The following CSNK1G1 variants were observed in gnomAD, a reference collection of about 807,000 sequenced individuals.
The protein encoded by CSNK1G1 is casein kinase I isoform gamma-1.
In CSNK1G1, 22 loss-of-function variants were observed where a neutral mutation model predicts 59.6. The ratio of observed to expected loss-of-function variants is 0.37; its 90% CI spans 0.26 to 0.53. The LOEUF is 0.53. CSNK1G1 is among the 20% of genes least tolerant of loss of function. The probability of loss-of-function intolerance (pLI) is 0.89; values close to 1 mark genes in which losing one functional copy is unlikely to be tolerated. For missense variants in CSNK1G1, 384 were observed against 519.5 expected, an observed-to-expected ratio of 0.74 and a Z score of 2.54; for synonymous variants, 179 against 177.1, an observed-to-expected ratio of 1.01 and a Z score of -0.08.
intron 7 of CSNK1G1, among the ~76,000 whole-genome samples, chr15:64,206,638 G>A (rs1464211856): frequency 7.1e-6 from 1 of 140,730 alleles, no homozygotes; most frequent in African/African-American, 2.6e-5. Context: ...ATACTAATGG[G>A]ACTTACAATG....
intron 1 of CSNK1G1, among the ~76,000 whole-genome samples, chr15:64,347,661 G>C (rs1243854419): frequency 6.6e-6 from 1 of 150,710 alleles, no homozygotes; most frequent in Admixed American, 6.6e-5. Flanking sequence ...GAAAAGAAAA[G>C]AGAAAAGAAA....
chr15:64,329,182 C>T (rs2140454322), intron 1 of CSNK1G1, among the ~76,000 whole-genome samples: 1 of 152,212 alleles, frequency 6.6e-6, no homozygotes, highest in Non-Finnish European at 1.5e-5. Flanking sequence ...ACCTAACAGA[C>T]ATCTACAGAA....
At chr15:64,185,788 G>A (rs2081884789) in intron 10 of CSNK1G1, among the ~76,000 whole-genome samples, 1 of 150,944 alleles carries the variant, frequency 6.6e-6, no homozygotes, top group African/African-American at 2.4e-5. Flanking sequence ...CTTGAACCCG[G>A]GAAACAGCAG....
intron 1 of CSNK1G1, among the ~76,000 whole-genome samples, chr15:64,320,575 AG>A (rs1302692753): frequency 6.7e-6 from 1 of 148,784 alleles, no homozygotes; most frequent in Non-Finnish European, 1.5e-5. Flanking sequence ...GCTACTTGGG[AG>A]GCTGAGGCGG....
At chr15:64,206,979 A>T (rs1230876698) in intron 7 of CSNK1G1, among the ~76,000 whole-genome samples, 1 of 152,184 alleles carries the variant, frequency 6.6e-6, no homozygotes, top group Non-Finnish European at 1.5e-5. Flanking sequence ...GTTGTCAACA[A>T]TTTGTTCCAG....
intron 10 of CSNK1G1, among the ~76,000 whole-genome samples, chr15:64,202,805 G>C (rs62024568): frequency 0.082 from 12,439 of 152,058 alleles, 1,593 homozygotes; most frequent in African/African-American, 0.28. Context: ...TACCTGCCTT[G>C]GCCTCCCAAA....
chr15:64,236,225 T>C (rs2082615298), intron 4 of CSNK1G1, among the ~76,000 whole-genome samples: 1 of 151,978 alleles, frequency 6.6e-6, no homozygotes, highest in Admixed American at 6.6e-5. Context: ...CTTCAATTCA[T>C]GGCTATCTCC....
At chr15:64,297,698 C>CA (rs35206976) in intron 2 of CSNK1G1, among the ~76,000 whole-genome samples, 4,431 of 135,016 alleles carry the variant, frequency 0.033, 157 homozygotes, top group African/African-American at 0.097. Context: ...CCCTGTCTCT[C>CA]AAAAAAAAAA....
chr15:64,277,894 A>G (rs1287996184), intron 2 of CSNK1G1, among the ~76,000 whole-genome samples: 1 of 137,618 alleles, frequency 7.3e-6, no homozygotes, highest in Non-Finnish European at 1.6e-5. Flanking sequence ...TATTTAATAT[A>G]TTGATATTGA....
chr15:64,351,539 A>G (rs1415777608), intron 1 of CSNK1G1, among the ~76,000 whole-genome samples: 5 of 152,214 alleles, frequency 3.3e-5, no homozygotes, highest in Admixed American at 6.5e-5. Context: ...ATTAAGATAG[A>G]ATTTTTTACT....
At position 64,230,503 on chromosome 15, in the gene CSNK1G1, GC is replaced by G. The variant is rs2082532330; in HGVS notation, c.293-13791del. 2.6e-5 allele frequency among the ~76,000 whole-genome samples: 4 copies of G among 151,944 alleles called. No individual in the cohort carries two copies. In the South Asian group the frequency reaches 8.3e-4, roughly 32 times the overall value. ...TGTTGAGACAGGGTCCCACTAGGTT[GC>G]CCAGGTTGGTCCTGAAGTCCTGGGC... On this transcript the variant is annotated intron_variant, in intron 4 of 11. Transcript: ENST00000303052.
At chr15:64,234,872 C>G (rs2082594763) in intron 4 of CSNK1G1, among the ~76,000 whole-genome samples, 1 of 151,560 alleles carries the variant, frequency 6.6e-6, no homozygotes, top group Non-Finnish European at 1.5e-5. Context: ...GTCAGCCAAT[C>G]TTCTTCTTAG....
At position 64,263,920 on chromosome 15, in the gene CSNK1G1, T is replaced by C. The variant is rs139579042; in HGVS notation, c.182-4679A>G. 3.4e-3 allele frequency among the ~76,000 whole-genome samples: 517 copies of C among 152,036 alleles called. 4 individuals carry two copies. Among genetic ancestry groups the C allele is most frequent in the African/African-American group, 0.012 (501 of 41,472 alleles). On this transcript the variant is annotated intron_variant, in intron 2 of 11. Coordinates refer to ENST00000303052, the MANE Select transcript of CSNK1G1 (RefSeq NM_022048.5). The stretch of plus-strand genomic sequence containing the variant: ...AATTTCATAAACTTCTACCTATAAT[T>C]ATTTATGCATATATTTTTTACTTCC...
At chr15:64,292,800 C>G (rs1175428864) in intron 2 of CSNK1G1, among the ~76,000 whole-genome samples, 1 of 152,008 alleles carries the variant, frequency 6.6e-6, no homozygotes, top group African/African-American at 2.4e-5. Context: ...TGGTGGCGGG[C>G]ACCTGTAATC....
chr15:64,177,365 T>C (rs2081753353), intron 11 of CSNK1G1, among the ~76,000 whole-genome samples: 1 of 152,082 alleles, frequency 6.6e-6, no homozygotes, highest in Non-Finnish European at 1.5e-5. Context: ...CCCATGAAAA[T>C]GATCAACCAG....
intron 4 of CSNK1G1, among the ~76,000 whole-genome samples, chr15:64,224,594 C>T (rs938655752): frequency 3.3e-5 from 5 of 152,182 alleles, no homozygotes; most frequent in Non-Finnish European, 7.4e-5. Flanking sequence ...ACCAGTTAAA[C>T]ATATGAATTT....
chr15:64,339,147 T>A (rs1383654982), intron 1 of CSNK1G1, among the ~76,000 whole-genome samples: 1 of 152,196 alleles, frequency 6.6e-6, no homozygotes, highest in African/African-American at 2.4e-5. Context: ...CAAGTGAATG[T>A]AATCTCTAGT....
Position 64,171,781 on chromosome 15 carries a change from TG to T in CSNK1G1, c.*149del. ...CCCACTAGGCCCTGGCTGCCCGCAC[TG>T]GCCCCTTCTGGGGGCATCTGTTTTC... On this transcript the variant is annotated 3_prime_UTR_variant, in exon 12 of 12. Transcript: ENST00000303052. This position sits in a 1 kb window ranked among gnomAD's most constrained non-coding sequence, Gnocchi z 4.8. 2 of 717,816 alleles carry T rather than the reference TG, an allele frequency of 2.8e-6. No individual in the cohort carries two copies. The highest frequency in any genetic ancestry group is 3.3e-5 in the South Asian group (2 of 60,980). 44.5% of individuals were successfully genotyped at this position (717,816 alleles called of 1,614,324 possible). A position where few individuals can be genotyped will look rare whatever the true frequency, so the allele number is the denominator to read the frequency against.
At chr15:64,308,884 G>A (rs552296212) in intron 1 of CSNK1G1, among the ~76,000 whole-genome samples, 1 of 118,636 alleles carries the variant, frequency 8.4e-6, no homozygotes, top group African/African-American at 2.9e-5. Context: ...GCGACAGAGT[G>A]AGACTCTGTC....
Sources: gnomAD v4.1 joint callset for allele counts (sites outside exome capture counted in the v4.1 genomes callset) on GRCh38, gnomAD v4.1.1 for gene constraint, Gnocchi (gnomAD v3.1) non-coding constraint, MANE v1.5 for transcripts, NCBI Gene and HGNC (gene_info 2026-07-23, HGNC 2026-07-21) for gene names.